CTBP1: variants seen among roughly 807,000 people sequenced by gnomAD.
CTBP1 encodes C-terminal binding protein 1.
Under a neutral mutation model 42.1 loss-of-function variants are expected in CTBP1, and 11 were observed. That is an observed-to-expected ratio of 0.26 (90% CI 0.16 to 0.43). The LOEUF is 0.43. Among genes scored for constraint, CTBP1 ranks in the 20% least tolerant of loss-of-function variants. CTBP1 has a pLI of 1.00. For missense variants in CTBP1, 399 were observed against 624.3 expected (o/e 0.64, Z 3.85); for synonymous variants, 324 against 277.1 (o/e 1.17, Z -1.68).
At chr4:1,229,481 C>T (rs1730737094) in intron 3 of CTBP1, among the ~76,000 whole-genome samples, 1 of 152,236 alleles carries the variant, frequency 6.6e-6, no homozygotes, top group Non-Finnish European at 1.5e-5. Flanking sequence ...GACTCCCACC[C>T]ACCACCTGTC....
At position 1,237,445 on chromosome 4, in the gene CTBP1, G is replaced by C. The variant is rs773538054; in HGVS notation, c.162+738C>G. The C allele has an allele frequency of 4.4e-6, 3 of 683,722 alleles. 1 individual carries two copies. The highest frequency in any genetic ancestry group is 3.0e-5 in the South Asian group (2 of 65,846). The allele number at this position is 683,722 out of a possible 1,614,324, so 42.4% of individuals were successfully genotyped here. A position where few individuals can be genotyped will look rare whatever the true frequency, so the allele number is the denominator to read the frequency against. On this transcript the variant is annotated intron_variant, in intron 3 of 9. Coordinates refer to ENST00000382952, the MANE Select transcript of CTBP1 (RefSeq NM_001012614.2). Reference sequence around the variant, plus strand: ...AGGACAAACCCCGTGTCCACCTCCTGATGGAGCTCAGTGAAAACCCGGTGT... The same window carrying C: ...AGGACAAACCCCGTGTCCACCTCCTCATGGAGCTCAGTGAAAACCCGGTGT...
chr4:1,221,882 AG>A (rs1413664838), intron 5 of CTBP1: 1 of 407,010 alleles, frequency 2.5e-6, no homozygotes, highest in African/African-American at 2.1e-5. Flanking sequence ...GAAGGGAAGG[AG>A]GGAGGAAAGA....
chr4:1,247,468 G>T (rs1248385262), intron 1 of CTBP1, among the ~76,000 whole-genome samples: 2 of 152,154 alleles, frequency 1.3e-5, no homozygotes, highest in African/African-American at 4.8e-5. Flanking sequence ...AGGCAGGGGA[G>T]ACCTGGGAGG....
intron 5 of CTBP1, among the ~76,000 whole-genome samples, chr4:1,222,588 C>T (rs952266776): frequency 6.6e-6 from 1 of 152,154 alleles, no homozygotes; most frequent in Non-Finnish European, 1.5e-5. Flanking sequence ...CTGCAGTCCC[C>T]ACCCACACTC....
intron 3 of CTBP1, among the ~76,000 whole-genome samples, chr4:1,231,974 AC>A (rs1344414292): frequency 6.6e-6 from 1 of 152,238 alleles, no homozygotes; most frequent in Non-Finnish European, 1.5e-5. Flanking sequence ...CTCTGTCTGT[AC>A]CAAACGCCAC....
rs555172105 is a variant in CTBP1, at chr4:1,214,215, C to G, written c.860+128G>C. The stretch of plus-strand genomic sequence containing the variant: ...CCCCGCAGCGGGCGGCAAACTCCCC[C>G]ACTGCTGGCCAGCGAGAGGCCTGAG... On this transcript the variant is annotated intron_variant, in intron 7 of 9. Transcript: ENST00000382952. 9.3e-5 allele frequency: 116 copies of G among 1,249,596 alleles called. No individual in the cohort carries two copies. In the South Asian group the frequency reaches 1.4e-3, roughly 15 times the overall value. The allele number at this position is 1,249,596 out of a possible 1,614,324, so 77.4% of individuals were successfully genotyped here. A position where few individuals can be genotyped will look rare whatever the true frequency, so the allele number is the denominator to read the frequency against.
chr4:1,223,095 A>G (rs1376083677), intron 5 of CTBP1, among the ~76,000 whole-genome samples: 1 of 152,090 alleles, frequency 6.6e-6, no homozygotes, highest in African/African-American at 2.4e-5. Context: ...GGACAAGGCC[A>G]GCAGGCAGTC....
intron 3 of CTBP1, among the ~76,000 whole-genome samples, chr4:1,229,718 G>A (rs1730762230): frequency 6.6e-6 from 1 of 152,186 alleles, no homozygotes; most frequent in African/African-American, 2.4e-5. Context: ...GCAGGGTGAG[G>A]GCAGCCCCCA....
At chr4:1,234,850 T>TGCGTG (rs1281793945) in intron 3 of CTBP1, 1 of 152,212 alleles carries the variant, frequency 6.6e-6, no homozygotes, top group Non-Finnish European at 1.5e-5. Context: ...GCCCCTTGCA[T>TGCGTG]GCGTGTGGAC....
intron 5 of CTBP1, among the ~76,000 whole-genome samples, chr4:1,224,887 C>A (rs1214581134): frequency 6.6e-6 from 1 of 151,142 alleles, no homozygotes; most frequent in Non-Finnish European, 1.5e-5. Flanking sequence ...CCGTGCAGGC[C>A]AGTATGTGTA....
intron 3 of CTBP1, among the ~76,000 whole-genome samples, chr4:1,229,723 C>G (rs371400931): frequency 6.6e-6 from 1 of 152,186 alleles, no homozygotes; most frequent in African/African-American, 2.4e-5. Flanking sequence ...GTGAGGGCAG[C>G]CCCCAGGAAG....
rs1728563610 is a variant in CTBP1, at chr4:1,211,771, A to C, written c.*469T>G. 6.5e-6 allele frequency: 1 copy of C among 153,024 alleles called. No homozygotes were observed. The highest frequency in any genetic ancestry group is 2.1e-4 in the South Asian group (1 of 4,836). 9.5% of individuals were successfully genotyped at this position (153,024 alleles called of 1,614,324 possible). A position where few individuals can be genotyped will look rare whatever the true frequency, so the allele number is the denominator to read the frequency against. ...AAAATAAGACAAGCAGGTAGAAAAA[A>C]CAATGCACTGTGTGGCATAAAAAGA... On this transcript the variant is annotated 3_prime_UTR_variant, in exon 10 of 10. Transcript: ENST00000382952.
chr4:1,212,694 C>T (rs1442054701), intron 9 of CTBP1: 2 of 615,576 alleles, frequency 3.2e-6, no homozygotes, highest in South Asian at 2.0e-5. Flanking sequence ...CCATGGCACT[C>T]CTGTGTCCAC....
intron 5 of CTBP1, among the ~76,000 whole-genome samples, chr4:1,222,300 T>A (rs1398186803): frequency 6.6e-6 from 1 of 151,748 alleles, no homozygotes; most frequent in African/African-American, 2.4e-5. Context: ...AGGTAGAGGC[T>A]GCAGCGTCAG....
intron 1 of CTBP1, chr4:1,242,271 G>A (rs1477025476): frequency 1.0e-6 from 1 of 985,406 alleles, no homozygotes; most frequent in East Asian, 1.1e-4. Context: ...TCGGGAGGGT[G>A]TCACTGAGCT....
intron 4 of CTBP1, among the ~76,000 whole-genome samples, chr4:1,226,303 C>T (rs1432125516): frequency 2.0e-5 from 3 of 152,254 alleles, no homozygotes; most frequent in East Asian, 1.9e-4. Flanking sequence ...CCACCCCATC[C>T]GGATGATTGC....
chr4:1,216,819 C>A, intron 5 of CTBP1: 1 of 160,022 alleles, frequency 6.2e-6, no homozygotes, highest in South Asian at 1.7e-4. Flanking sequence ...GAGCTTGAGC[C>A]ACCGTGTCTG....
chr4:1,223,195 C>A (rs1729943953), intron 5 of CTBP1, among the ~76,000 whole-genome samples: 1 of 152,090 alleles, frequency 6.6e-6, no homozygotes, highest in African/African-American at 2.4e-5. Flanking sequence ...TCCCTCCTCC[C>A]CTCAACAAAC....
Position 1,212,445 on chromosome 4 carries a change from G to T in CTBP1, c.1107-22C>A. 2.1e-6 allele frequency: 3 copies of T among 1,419,328 alleles called. No individual in the cohort carries two copies. In the South Asian group the frequency reaches 4.6e-5, roughly 22 times the overall value. 87.9% of individuals were successfully genotyped at this position (1,419,328 alleles called of 1,614,324 possible). On this transcript the variant is annotated intron_variant, in intron 9 of 9. Transcript: ENST00000382952. ...GTACCTGCTGGGAGAGGGTCCATCC[G>T]TGAGGCCCACCTGTAGGCGGCCTGG...
Sources: allele counts gnomAD v4.1 joint callset (sites outside exome capture counted in the v4.1 genomes callset), GRCh38; gene constraint gnomAD v4.1.1; transcripts MANE v1.5; gene names NCBI Gene and HGNC (gene_info 2026-07-23, HGNC 2026-07-21).